CACNA2D1: variants seen among roughly 807,000 people sequenced by gnomAD.
CACNA2D1 encodes voltage-dependent calcium channel subunit alpha-2/delta-1.
A neutral mutation model predicts 171.5 loss-of-function variants in CACNA2D1; 53 were observed. The observed-to-expected ratio is 0.31, with a 90% CI of 0.25 to 0.39. CACNA2D1 has a LOEUF of 0.39. Among genes scored for constraint, CACNA2D1 ranks in the 10% least tolerant of loss-of-function variants. The pLI, the probability that CACNA2D1 is intolerant of heterozygous loss-of-function variation, is 1.00. For missense variants in CACNA2D1, 903 were observed against 1,299.8 expected, an observed-to-expected ratio of 0.69 and a Z score of 4.69; for synonymous variants, 442 against 443.1, an observed-to-expected ratio of 1.00 and a Z score of 0.03.
At chr7:82,042,198 T>C (rs1757600508) in intron 10 of CACNA2D1, among the ~76,000 whole-genome samples, 1 of 152,144 alleles carries the variant, frequency 6.6e-6, no homozygotes, top group Non-Finnish European at 1.5e-5. Flanking sequence ...AATTTGAAAG[T>C]TTACAATCAG....
At chr7:82,262,188 A>G (rs989698594) in intron 3 of CACNA2D1, among the ~76,000 whole-genome samples, 1 of 152,060 alleles carries the variant, frequency 6.6e-6, no homozygotes, top group Non-Finnish European at 1.5e-5. Context: ...CAAATTAGCC[A>G]GGCGTGGTGG....
chr7:82,281,446 A>T (rs1402683275), intron 3 of CACNA2D1, among the ~76,000 whole-genome samples: 10 of 152,198 alleles, frequency 6.6e-5, no homozygotes, highest in Non-Finnish European at 1.5e-4. Context: ...ACACAAGACA[A>T]TGTGGACATA....
chr7:82,361,032 A>G (rs1351357943), intron 1 of CACNA2D1, among the ~76,000 whole-genome samples: 1 of 152,222 alleles, frequency 6.6e-6, no homozygotes, highest in Non-Finnish European at 1.5e-5. Context: ...CAAATATGAG[A>G]TGGTAAACAT....
In CACNA2D1 at chr7:82,220,733, T is replaced by C. The variant is rs867270257; in HGVS notation, c.295-50124A>G. On this transcript the variant is annotated intron_variant, in intron 3 of 38. Coordinates refer to ENST00000356860, the MANE Select transcript of CACNA2D1 (RefSeq NM_000722.4). Reference sequence around the variant, plus strand: ...GATAGTGCTGGAAAATCTTTTGTGATGCTACAATAAAACTCGAGAAACAGA... The same window carrying C: ...GATAGTGCTGGAAAATCTTTTGTGACGCTACAATAAAACTCGAGAAACAGA... Among the ~76,000 whole-genome samples, 103 of 152,032 alleles carry C rather than the reference T, an allele frequency of 6.8e-4. 1 individual carries two copies. Among genetic ancestry groups the C allele is most frequent in the South Asian group, 4.2e-4 (2 of 4,816 alleles).
chr7:82,043,435 C>A (rs186819888), intron 10 of CACNA2D1, among the ~76,000 whole-genome samples: 1 of 152,290 alleles, frequency 6.6e-6, no homozygotes. Flanking sequence ...ACTGCCTCAG[C>A]TGTATTGAGC....
Position 82,117,080 on chromosome 7 carries a change from C to A in CACNA2D1, c.490G>T (p.Ala164Ser). 7 of 1,613,704 alleles carry A rather than the reference C, an allele frequency of 4.3e-6. No individual in the cohort carries two copies. The highest frequency in any genetic ancestry group is 1.3e-5 in the African/African-American group (1 of 74,962). Reference sequence around the variant, plus strand: ...ATGTCAGTAGGAATATGGACTGCTGCGTGCTGATAAGATATTTGTCGTCCA... The same window carrying A: ...ATGTCAGTAGGAATATGGACTGCTGAGTGCTGATAAGATATTTGTCGTCCA... ...NFGRQISYQHAAVHIPTDIYE... is the reference protein window; with the variant it reads ...NFGRQISYQHSAVHIPTDIYE... The change falls in exon 6 of 39, where the codon GCA becomes TCA. Residue 164 changes from alanine (A) to serine (S), a missense_variant. Ala to Ser is a moderately conservative substitution (Grantham distance 99). Coordinates refer to ENST00000356860, the MANE Select transcript of CACNA2D1 (RefSeq NM_000722.4).
At chr7:82,342,653 T>G (rs1818813939) in intron 2 of CACNA2D1, among the ~76,000 whole-genome samples, 1 of 152,100 alleles carries the variant, frequency 6.6e-6, no homozygotes, top group South Asian at 2.1e-4. Flanking sequence ...AATGAAGAGA[T>G]ATAGAAATGT....
Position 82,309,127 on chromosome 7 carries a change from C to T in CACNA2D1, c.294+26008G>A, listed in dbSNP as rs144639750. 2.2e-4 allele frequency among the ~76,000 whole-genome samples: 34 copies of T among 152,184 alleles called. No homozygotes were observed. In the East Asian group the frequency reaches 6.6e-3, roughly 29 times the overall value. On this transcript the variant is annotated intron_variant, in intron 3 of 38. Coordinates refer to ENST00000356860, the MANE Select transcript of CACNA2D1 (RefSeq NM_000722.4). ...TAGTTTTAAAATTGTTGGTAAAGGCCAGGTGCAGTGGCTCATGCCTGTAAT... is the reference window on the plus strand; with the variant it reads ...TAGTTTTAAAATTGTTGGTAAAGGCTAGGTGCAGTGGCTCATGCCTGTAAT...
chr7:82,130,942 G>A (rs1256022254), intron 5 of CACNA2D1, among the ~76,000 whole-genome samples: 1 of 151,290 alleles, frequency 6.6e-6, no homozygotes. Context: ...GACTACAGGC[G>A]CCCGCCATCA....
intron 12 of CACNA2D1, chr7:82,021,196 C>G (rs1043196127): frequency 2.0e-5 from 3 of 152,110 alleles, no homozygotes; most frequent in African/African-American, 7.2e-5. Context: ...AGAGTATTAT[C>G]AGCTGAGAGG....
intron 10 of CACNA2D1, among the ~76,000 whole-genome samples, chr7:82,051,616 A>G (rs1805207107): frequency 6.6e-6 from 1 of 152,212 alleles, no homozygotes; most frequent in Non-Finnish European, 1.5e-5. Flanking sequence ...GGTTTTATTA[A>G]AAGACATGAA....
intron 34 of CACNA2D1, among the ~76,000 whole-genome samples, chr7:81,962,777 T>G (rs1022672789): frequency 3.9e-5 from 6 of 152,002 alleles, no homozygotes; most frequent in Non-Finnish European, 8.8e-5. Context: ...GAGTTCACTC[T>G]AAGAGGGAGA....
intron 3 of CACNA2D1, among the ~76,000 whole-genome samples, chr7:82,235,184 A>C (rs1803420405): frequency 6.6e-6 from 1 of 152,186 alleles, no homozygotes; most frequent in African/African-American, 2.4e-5. Context: ...TTGGAATGGT[A>C]AACTATACAA....
At chr7:82,386,681 C>T (rs1022793217) in intron 1 of CACNA2D1, among the ~76,000 whole-genome samples, 2 of 150,764 alleles carry the variant, frequency 1.3e-5, no homozygotes, top group Admixed American at 6.6e-5. Flanking sequence ...TGTGGTGAGC[C>T]GAGATTGAGC....
chr7:82,421,403 A>T (rs1373669042), intron 1 of CACNA2D1, among the ~76,000 whole-genome samples: 1 of 152,224 alleles, frequency 6.6e-6, no homozygotes, highest in East Asian at 1.9e-4. Flanking sequence ...GCAGAGATTT[A>T]TCTGTGCTAA....
At chr7:82,258,090 G>C (rs1806516195) in intron 3 of CACNA2D1, among the ~76,000 whole-genome samples, 2 of 152,124 alleles carry the variant, frequency 1.3e-5, no homozygotes, top group African/African-American at 4.8e-5. Context: ...TCTGGGACTG[G>C]AGGGAAAAGA....
chr7:82,207,766 A>T (rs1800159274), intron 3 of CACNA2D1, among the ~76,000 whole-genome samples: 1 of 152,202 alleles, frequency 6.6e-6, no homozygotes, highest in African/African-American at 2.4e-5. Context: ...GTCTTGTTTA[A>T]GTGGAAGCAA....
chr7:82,339,280 A>C (rs1309061512), intron 2 of CACNA2D1, among the ~76,000 whole-genome samples: 1 of 152,190 alleles, frequency 6.6e-6, no homozygotes, highest in Non-Finnish European at 1.5e-5. Context: ...AAGTTCCCTA[A>C]AGAGAAACAG....
intron 3 of CACNA2D1, among the ~76,000 whole-genome samples, chr7:82,329,798 C>T (rs1016742805): frequency 2.6e-5 from 4 of 151,994 alleles, no homozygotes; most frequent in Non-Finnish European, 4.4e-5. Context: ...TTAGCAGACA[C>T]ATCTTGGAAA....
Sources: gnomAD v4.1 joint callset for allele counts (sites outside exome capture counted in the v4.1 genomes callset) on GRCh38, gnomAD v4.1.1 for gene constraint, MANE v1.5 for transcripts, NCBI Gene and HGNC (gene_info 2026-07-23, HGNC 2026-07-21) for gene names.